SPHKAP: variants seen among roughly 807,000 people sequenced by gnomAD.
The protein encoded by SPHKAP is A-kinase anchor protein SPHKAP.
A neutral mutation model predicts 137.5 loss-of-function variants in SPHKAP; 67 were observed. The ratio of observed to expected loss-of-function variants is 0.49; its 90% confidence interval spans 0.40 to 0.60. The LOEUF (loss-of-function observed/expected upper bound fraction) is 0.60, where lower values mean the gene tolerates loss of function less well. Among genes scored for constraint, SPHKAP ranks in the 20% least tolerant of loss-of-function variants. SPHKAP has a pLI of 0.00. For missense variants in SPHKAP, 2,097 were observed against 2,069.3 expected, an observed-to-expected ratio of 1.01 and a Z score of -0.26; for synonymous variants, 813 against 785.3, an observed-to-expected ratio of 1.04 and a Z score of -0.59.
Position 228,025,492 on chromosome 2 carries a change from T to G in SPHKAP, c.343A>C (p.Ile115Leu), listed in dbSNP as rs755995968. The G allele has an allele frequency of 6.2e-7, 1 of 1,613,824 alleles. No homozygotes were observed. Among genetic ancestry groups the G allele is most frequent in the Non-Finnish European group, 8.5e-7 (1 of 1,179,918 alleles). Residue 115 changes from isoleucine to leucine, a missense_variant, in exon 5 of 12, where the codon ATC becomes CTC. By Grantham distance (5) the Ile-to-Leu change is conservative (BLOSUM62 2). Transcript: ENST00000392056. Reference protein sequence around the residue: ...VNVSPDLPKLISSMNVQQPKE... With the variant: ...VNVSPDLPKLLSSMNVQQPKE... Reference sequence around the variant, plus strand: ...GGTTGTTGGACATTCATGGAACTGATAAGTTTTGGAAGATCTGGTGAAACG... The same window carrying G: ...GGTTGTTGGACATTCATGGAACTGAGAAGTTTTGGAAGATCTGGTGAAACG...
In SPHKAP at chr2:228,117,830, C is replaced by CTTTTT. The variant is rs34166785; in HGVS notation, c.139-8896_139-8892dup. ...CAACTGATCTGATTTCTTTCCTTTC[C>CTTTTT]TTTTTTTTTTTTTTTCTGTAGAAGG... is the stretch of plus-strand genomic sequence containing the variant. On this transcript the variant is annotated intron_variant, in intron 2 of 11. Transcript: ENST00000392056. Among the ~76,000 whole-genome samples, 4 of 138,286 alleles carry CTTTTT rather than the reference C, an allele frequency of 2.9e-5. No individual in the cohort carries two copies. In the Admixed American group the frequency reaches 2.9e-4, roughly 10 times the overall value. The allele number at this position is 138,286 out of a possible 152,430, so 90.7% of individuals were successfully genotyped here.
At chr2:228,031,605 G>A (rs535695246) in intron 3 of SPHKAP, among the ~76,000 whole-genome samples, 35 of 152,168 alleles carry the variant, frequency 2.3e-4, no homozygotes, top group Non-Finnish European at 2.6e-4. Context: ...AGCCTAACTC[G>A]GAGGCACCCC....
chr2:228,131,937 C>A, intron 2 of SPHKAP, 43 bp downstream of exon 2: 1 of 1,589,416 alleles, frequency 6.3e-7, no homozygotes, highest in South Asian at 1.1e-5. Context: ...AATGAATATT[C>A]AAGTTCAACT....
chr2:228,080,815 C>A (rs1287337200), intron 3 of SPHKAP, among the ~76,000 whole-genome samples: 2 of 151,582 alleles, frequency 1.3e-5, no homozygotes, highest in African/African-American at 2.4e-5. Flanking sequence ...TCATCTCACA[C>A]CTGTTAGAAT....
At chr2:228,028,343 A>C (rs879325065) in intron 3 of SPHKAP, among the ~76,000 whole-genome samples, 3 of 152,032 alleles carry the variant, frequency 2.0e-5, no homozygotes, top group Non-Finnish European at 4.4e-5. Context: ...GTTTTAGTTC[A>C]TTTTACTTTA....
chr2:228,082,729 C>T (rs778051838), intron 3 of SPHKAP, among the ~76,000 whole-genome samples: 1 of 152,180 alleles, frequency 6.6e-6, no homozygotes, highest in Non-Finnish European at 1.5e-5. Flanking sequence ...TATTTACTAG[C>T]TGTATGACTC....
intron 3 of SPHKAP, among the ~76,000 whole-genome samples, chr2:228,105,965 T>C (rs1448877329): frequency 6.6e-6 from 1 of 152,188 alleles, no homozygotes; most frequent in African/African-American, 2.4e-5. Context: ...TCAGGGGGCT[T>C]CTGAGCCAGA....
intron 9 of SPHKAP, chr2:227,991,528 C>A (rs897480706): frequency 5.1e-6 from 5 of 985,350 alleles, no homozygotes; most frequent in Middle Eastern, 5.2e-4. Flanking sequence ...ATGTCCTCCT[C>A]CAACAACAAC....
intron 5 of SPHKAP, among the ~76,000 whole-genome samples, chr2:228,023,768 G>C (rs1694926516): frequency 6.6e-6 from 1 of 152,208 alleles, no homozygotes; most frequent in African/African-American, 2.4e-5. Context: ...CCTCAGCAGA[G>C]TCCAAGTGAT....
intron 1 of SPHKAP, among the ~76,000 whole-genome samples, chr2:228,175,013 G>GA (rs60971800): frequency 0.083 from 8,106 of 97,774 alleles, 316 homozygotes; most frequent in Non-Finnish European, 0.1. Flanking sequence ...TTATCCATCT[G>GA]AAAAAAAAAA....
At chr2:228,096,630 C>CTGTGTGTGTGTGTG (rs59745287) in intron 3 of SPHKAP, among the ~76,000 whole-genome samples, 1 of 148,788 alleles carries the variant, frequency 6.7e-6, no homozygotes, top group African/African-American at 2.5e-5. Context: ...CAGGGGTCAA[C>CTGTGTGTGTGTGTG]TGTGTGTGTG....
chr2:228,016,554 C>G lies in SPHKAP; in HGVS notation c.4300G>C (p.Asp1434His), dbSNP rs1166932189. The change falls in exon 7 of 12, where the codon GAT becomes CAT. Residue 1434 changes from aspartate to histidine, a missense_variant. Physicochemically the swap from Asp to His is moderately conservative, Grantham distance 81. Transcript: ENST00000392056. ...REVPLIQIET[D>H]QREACAGEPE... ...TCCCCAGCACAGGCTTCTCTCTGAT[C>G]TGTTTCAATCTGAATCAAAGGCACT... 1.2e-6 allele frequency: 2 copies of G among 1,614,160 alleles called. No individual in the cohort carries two copies. Among genetic ancestry groups the G allele is most frequent in the East Asian group, 4.5e-5 (2 of 44,872 alleles).
chr2:228,108,318 T>C (rs1317364284), intron 3 of SPHKAP, among the ~76,000 whole-genome samples: 2 of 152,182 alleles, frequency 1.3e-5, no homozygotes, highest in African/African-American at 4.8e-5. Context: ...ATCTTTTCCC[T>C]TGGAAAAGAA....
rs757308335 is a variant in SPHKAP, at chr2:228,018,446, C to T, written c.2408G>A (p.Gly803Asp). 59 of 1,613,858 alleles carry T rather than the reference C, an allele frequency of 3.7e-5. No homozygotes were observed. The highest frequency in any genetic ancestry group is 2.8e-4 in the Admixed American group (17 of 60,002). The change falls in exon 7 of 12, where the codon GGC becomes GAC. Residue 803 changes from glycine (G) to aspartate (D), a missense_variant. Transcript: ENST00000392056. ...CTGCAGCGTGGGGTTCTTGAAGAGGCCTGGCCTCACTCCACCCTTGTCTTG... is the reference window on the plus strand; with the variant it reads ...CTGCAGCGTGGGGTTCTTGAAGAGGTCTGGCCTCACTCCACCCTTGTCTTG... ...SKQDKGGVRP[G>D]LFKNPTLQSQ... is the part of the protein sequence containing the mutation.
At chr2:228,000,356 C>T (rs1248644107) in intron 7 of SPHKAP, among the ~76,000 whole-genome samples, 1 of 152,154 alleles carries the variant, frequency 6.6e-6, no homozygotes, top group Non-Finnish European at 1.5e-5. Context: ...CGGTGGCTCA[C>T]GTCTGTAATC....
At chr2:228,024,184 C>T (rs547634237) in intron 5 of SPHKAP, among the ~76,000 whole-genome samples, 1 of 152,174 alleles carries the variant, frequency 6.6e-6, no homozygotes, top group South Asian at 2.1e-4. Context: ...ATTAAGAATC[C>T]TAACTGGGAT....
At chr2:228,159,838 C>A (rs182558062) in intron 1 of SPHKAP, among the ~76,000 whole-genome samples, 1 of 152,246 alleles carries the variant, frequency 6.6e-6, no homozygotes, top group East Asian at 1.9e-4. Context: ...GTGTCATCAT[C>A]ACTATGTCTG....
chr2:228,094,467 A>G (rs550955537), intron 3 of SPHKAP, among the ~76,000 whole-genome samples: 1 of 152,314 alleles, frequency 6.6e-6, no homozygotes, highest in Admixed American at 6.5e-5. Flanking sequence ...ACACTTGTAC[A>G]TTCTATTTGT....
chr2:227,986,280 C>A (rs1378315265), intron 11 of SPHKAP, among the ~76,000 whole-genome samples: 3 of 152,126 alleles, frequency 2.0e-5, no homozygotes, highest in Non-Finnish European at 4.4e-5. Context: ...TCAATACCAT[C>A]AAATTGGAGA....
Sources: gnomAD v4.1 joint callset for allele counts (sites outside exome capture counted in the v4.1 genomes callset) on GRCh38, gnomAD v4.1.1 for gene constraint, MANE v1.5 for transcripts, NCBI Gene and HGNC (gene_info 2026-07-23, HGNC 2026-07-21) for gene names.